EPHA5: variants seen among roughly 807,000 people sequenced by gnomAD.
EPHA5 encodes the protein EPH receptor A5, also known as ephrin type-A receptor 5.
EPHA5 carries 60 observed loss-of-function variants against 105.0 expected under a neutral mutation model. That is an observed-to-expected ratio of 0.57 (90% CI 0.46 to 0.71). The LOEUF (loss-of-function observed/expected upper bound fraction) is 0.71, where lower values mean the gene tolerates loss of function less well. Ranked by LOEUF, EPHA5 falls within the 30% of genes least tolerant of loss-of-function variation. The probability of loss-of-function intolerance (pLI) is 0.00; values close to 1 mark genes in which losing one functional copy is unlikely to be tolerated. For missense variants in EPHA5, 1,218 were observed against 1,274.7 expected (o/e 0.96, Z 0.68); for synonymous variants, 513 against 449.1 (o/e 1.14, Z -1.80).
At chr4:65,401,289 A>G (rs1010702978) in intron 8 of EPHA5, among the ~76,000 whole-genome samples, 4 of 152,102 alleles carry the variant, frequency 2.6e-5, no homozygotes, top group Admixed American at 6.6e-5. Context: ...CAATCTAGGT[A>G]CTGCAGGGTG....
chr4:65,365,653 A>ATC (rs1717810610), intron 10 of EPHA5, among the ~76,000 whole-genome samples: 1 of 25,168 alleles, frequency 4.0e-5, no homozygotes, highest in Non-Finnish European at 7.0e-5. Context: ...AATTCACTAT[A>ATC]TATATATATA....
intron 8 of EPHA5, among the ~76,000 whole-genome samples, chr4:65,372,781 A>G: frequency 6.6e-6 from 1 of 151,834 alleles, no homozygotes; most frequent in Non-Finnish European, 1.5e-5. Flanking sequence ...TTTATATATC[A>G]CTTTGTATCT....
At chr4:65,513,407 G>A (rs1296837099) in intron 3 of EPHA5, among the ~76,000 whole-genome samples, 2 of 152,014 alleles carry the variant, frequency 1.3e-5, no homozygotes, top group East Asian at 1.9e-4. Flanking sequence ...TTTTTTCTGA[G>A]TTGGAGTCTC....
chr4:65,474,239 A>T (rs990638346), intron 5 of EPHA5, among the ~76,000 whole-genome samples: 1 of 152,158 alleles, frequency 6.6e-6, no homozygotes, highest in African/African-American at 2.4e-5. Context: ...ATAACTGAAG[A>T]TTAATAATTC....
At chr4:65,382,174 C>G (rs182937522) in intron 8 of EPHA5, among the ~76,000 whole-genome samples, 1 of 151,818 alleles carries the variant, frequency 6.6e-6, no homozygotes, top group Admixed American at 6.6e-5. Flanking sequence ...ACACTGTAAT[C>G]AGACACTCTC....
At chr4:65,595,894 G>A (rs1198642447) in intron 3 of EPHA5, among the ~76,000 whole-genome samples, 1 of 152,114 alleles carries the variant, frequency 6.6e-6, no homozygotes, top group Non-Finnish European at 1.5e-5. Context: ...AGATTTTTAT[G>A]AGCTAGTTAG....
chr4:65,531,066 T>C (rs1246045789), intron 3 of EPHA5, among the ~76,000 whole-genome samples: 1 of 150,876 alleles, frequency 6.6e-6, no homozygotes, highest in Non-Finnish European at 1.5e-5. Flanking sequence ...AGTCTCGCTC[T>C]GTCGCCCAGG....
intron 3 of EPHA5, among the ~76,000 whole-genome samples, chr4:65,574,729 T>TATATATATAC (rs1740703449): frequency 3.0e-5 from 3 of 99,180 alleles, no homozygotes; most frequent in African/African-American, 1.3e-4. Flanking sequence ...TACATATATA[T>TATATATATAC]ACATATATAT....
At position 65,486,716 on chromosome 4, in the gene EPHA5, G is replaced by C. The variant is rs186759339; in HGVS notation, c.1402+3661C>G. On this transcript the variant is annotated intron_variant, in intron 5 of 16. Coordinates refer to ENST00000613740, the MANE Select transcript of EPHA5 (RefSeq NM_001281766.3). ...ACTACAAAACACTTTCTGCAATTTGGGTACTTAAAAAGTGTTTTGCCATGG... is the reference window on the plus strand; with the variant it reads ...ACTACAAAACACTTTCTGCAATTTGCGTACTTAAAAAGTGTTTTGCCATGG... Among the ~76,000 whole-genome samples, 263 of 152,264 alleles carry C rather than the reference G, an allele frequency of 1.7e-3. 2 individuals carry two copies. Among genetic ancestry groups the C allele is most frequent in the African/African-American group, 6.0e-3 (249 of 41,550 alleles).
At position 65,383,688 on chromosome 4, in the gene EPHA5, TGAAG is replaced by T. The variant is rs1399252432; in HGVS notation, c.1794-16268_1794-16265del. Among the ~76,000 whole-genome samples the T allele has an allele frequency of 2.0e-5, 3 of 151,842 alleles. No individual in the cohort carries two copies. In the East Asian group the frequency reaches 5.8e-4, roughly 30 times the overall value. Reference sequence around the variant, plus strand: ...GCCCTGGTCATAATATCTGCCAGTCTGAAGGAGTAATGGTATCTTCCTACCAACT... The same window carrying T: ...GCCCTGGTCATAATATCTGCCAGTCTGAGTAATGGTATCTTCCTACCAACT... On this transcript the variant is annotated intron_variant, in intron 8 of 16. Transcript: ENST00000613740.
At chr4:65,503,161 T>C (rs995366191) in intron 3 of EPHA5, among the ~76,000 whole-genome samples, 1 of 151,734 alleles carries the variant, frequency 6.6e-6, no homozygotes. Context: ...AAGCTAACTG[T>C]TGGGTACTAT....
At chr4:65,375,711 T>C (rs938974314) in intron 8 of EPHA5, among the ~76,000 whole-genome samples, 23 of 151,826 alleles carry the variant, frequency 1.5e-4, no homozygotes, top group African/African-American at 4.8e-4. Context: ...TGTTAAAAAC[T>C]ATAATTGACA....
intron 1 of EPHA5, among the ~76,000 whole-genome samples, chr4:65,668,008 T>C (rs761453744): frequency 1.3e-5 from 2 of 152,154 alleles, no homozygotes; most frequent in Non-Finnish European, 2.9e-5. Context: ...TCAAAAACAT[T>C]TTTTCAACTT....
chr4:65,629,742 C>T (rs961466101), intron 2 of EPHA5, among the ~76,000 whole-genome samples: 4 of 152,084 alleles, frequency 2.6e-5, no homozygotes, highest in Non-Finnish European at 4.4e-5. Flanking sequence ...GTAGTGATGG[C>T]TGCCAACATC....
intron 5 of EPHA5, among the ~76,000 whole-genome samples, chr4:65,487,756 C>T (rs767050792): frequency 1.3e-5 from 2 of 152,132 alleles, no homozygotes; most frequent in African/African-American, 2.4e-5. Context: ...AAACTCTAGC[C>T]TCTGACTTTT....
intron 3 of EPHA5, among the ~76,000 whole-genome samples, chr4:65,538,185 G>A (rs898007500): frequency 1.3e-5 from 2 of 151,600 alleles, no homozygotes; most frequent in Non-Finnish European, 3.0e-5. Flanking sequence ...GGAGGTCTAG[G>A]GTACGGAGAT....
intron 8 of EPHA5, among the ~76,000 whole-genome samples, chr4:65,402,258 C>T (rs770657420): frequency 6.6e-5 from 10 of 152,038 alleles, no homozygotes; most frequent in Non-Finnish European, 7.4e-5. Flanking sequence ...AACCACTTTT[C>T]TTTATAAATT....
chr4:65,589,212 C>A (rs1402846768), intron 3 of EPHA5, among the ~76,000 whole-genome samples: 2 of 151,708 alleles, frequency 1.3e-5, no homozygotes, highest in African/African-American at 2.4e-5. Context: ...AACTCGATTT[C>A]TTTGAGTGTT....
intron 8 of EPHA5, among the ~76,000 whole-genome samples, chr4:65,387,399 A>G (rs1720210787): frequency 6.6e-6 from 1 of 152,014 alleles, no homozygotes; most frequent in East Asian, 1.9e-4. Context: ...GTTCCTTCTC[A>G]TTTCAATTTA....
Sources: gnomAD v4.1 joint callset for allele counts (sites outside exome capture counted in the v4.1 genomes callset) on GRCh38, gnomAD v4.1.1 for gene constraint, MANE v1.5 for transcripts, NCBI Gene and HGNC (gene_info 2026-07-23, HGNC 2026-07-21) for gene names.